CLCA2: variants seen among roughly 807,000 people sequenced by gnomAD.
CLCA2 encodes chloride channel accessory 2, also known as calcium-activated chloride channel regulator 2.
CLCA2 carries 85 observed loss-of-function variants against 82.9 expected under a neutral mutation model. That is an observed-to-expected ratio of 1.03 (90% CI 0.86 to 1.23). CLCA2 has a LOEUF of 1.23. Among genes scored for constraint, CLCA2 ranks in the 50% most tolerant of loss-of-function variants. CLCA2 has a pLI of 0.00. For synonymous variants in CLCA2, 421 were observed against 391.7 expected, an observed-to-expected ratio of 1.07 and a Z score of -0.88; for missense variants, 1,089 against 1,124.8, an observed-to-expected ratio of 0.97 and a Z score of 0.45.
intron 2 of CLCA2, among the ~76,000 whole-genome samples, chr1:86,425,931 A>G (rs1360005103): frequency 6.6e-6 from 1 of 151,930 alleles, no homozygotes; most frequent in Non-Finnish European, 1.5e-5. Flanking sequence ...GTAGATTATC[A>G]GAATTTCACA....
At chr1:86,425,260 A>T in intron 1 of CLCA2, 79 bp from the exon 2 acceptor site, 1 of 993,690 alleles carries the variant, frequency 1.0e-6, no homozygotes, top group Non-Finnish European at 1.4e-6. Context: ...GTCTTTTATT[A>T]CTGTTTAAGC....
At chr1:86,441,595 G>C in intron 9 of CLCA2, 52 bp downstream of exon 9, 1 of 1,188,902 alleles carries the variant, frequency 8.4e-7, no homozygotes, top group African/African-American at 1.5e-5. Context: ...GAAGGGAGAA[G>C]GAAACAAGGG....
intron 5 of CLCA2, among the ~76,000 whole-genome samples, chr1:86,433,823 G>C (rs72951849): frequency 9.9e-5 from 15 of 152,240 alleles, no homozygotes; most frequent in African/African-American, 3.4e-4. Flanking sequence ...AGTTTCCATG[G>C]CTCTGTTAAT....
At chr1:86,437,486 A>G (rs1662637117) in intron 6 of CLCA2, among the ~76,000 whole-genome samples, 1 of 152,236 alleles carries the variant, frequency 6.6e-6, no homozygotes, top group South Asian at 2.1e-4. Flanking sequence ...GAAGGATTCA[A>G]CTAGGCGCTT....
rs766654350 is a variant in CLCA2 at position 86,453,570 on chromosome 1, C to T, written c.2357C>T (p.Thr786Ile). The change falls in exon 13 of 14, where the codon ACA becomes ATA. Residue 786 changes from threonine (T) to isoleucine (I), a missense_variant. Physicochemically the swap from Thr to Ile is moderately conservative, Grantham distance 89. Coordinates refer to ENST00000370565, the MANE Select transcript of CLCA2 (RefSeq NM_006536.7). Reference protein sequence around the residue: ...KVEEELTLSWTAPGEDFDQGQ... With the variant: ...KVEEELTLSWIAPGEDFDQGQ... ...GAAGAGGAATTGACCCTATCTTGGA[C>T]AGCACCTGGAGAAGACTTTGATCAG... The T allele has an allele frequency of 4.7e-5, 76 of 1,613,986 alleles. No homozygotes were observed. Among genetic ancestry groups the T allele is most frequent in the Non-Finnish European group, 6.4e-5 (76 of 1,180,014 alleles).
intron 2 of CLCA2, 41 bp downstream of exon 2, chr1:86,425,517 A>G (rs775144819): frequency 6.9e-7 from 1 of 1,448,804 alleles, no homozygotes; most frequent in Non-Finnish European, 9.2e-7. Context: ...CAAGGGGAAA[A>G]AAAACACCAA....
intron 5 of CLCA2, among the ~76,000 whole-genome samples, chr1:86,433,844 G>A (rs930162684): frequency 6.6e-6 from 1 of 152,090 alleles, no homozygotes; most frequent in Non-Finnish European, 1.5e-5. Context: ...GGGAAGTATC[G>A]ACTCTTTGTA....
intron 6 of CLCA2, among the ~76,000 whole-genome samples, chr1:86,438,033 A>T (rs1400825303): frequency 1.3e-5 from 2 of 152,168 alleles, no homozygotes; most frequent in Non-Finnish European, 2.9e-5. Flanking sequence ...CAAAGTGTAG[A>T]GTTGCCATCT....
intron 12 of CLCA2, among the ~76,000 whole-genome samples, chr1:86,452,011 T>A (rs982002493): frequency 1.3e-5 from 2 of 152,068 alleles, no homozygotes; most frequent in Non-Finnish European, 2.9e-5. Context: ...AATTATTAAA[T>A]TTAGCTAAAA....
At chr1:86,445,229 G>T (rs1297736024) in intron 10 of CLCA2, among the ~76,000 whole-genome samples, 2 of 151,844 alleles carry the variant, frequency 1.3e-5, no homozygotes, top group Non-Finnish European at 2.9e-5. Context: ...TAGCCTTCTT[G>T]ACTCTGAACT....
chr1:86,429,228 G>A (rs1412487211), intron 3 of CLCA2, among the ~76,000 whole-genome samples: 1 of 152,168 alleles, frequency 6.6e-6, no homozygotes, highest in Admixed American at 6.5e-5. Context: ...AGTGAGATGG[G>A]AAGGATAGTA....
In CLCA2 at chr1:86,441,590, G is replaced by A. The variant is rs571469714; in HGVS notation, c.1488+47G>A. ...TATTTCCAGGTGGGGAGTGGGAAGG[G>A]AGAAGGAAACAAGGGAAATCAACGA... On this transcript the variant is annotated intron_variant, in intron 9 of 13. Coordinates refer to ENST00000370565, the MANE Select transcript of CLCA2 (RefSeq NM_006536.7). 693 of 1,285,292 alleles carry A rather than the reference G, an allele frequency of 5.4e-4. 13 individuals are homozygous for A. The South Asian group carries it at 7.8e-3, about 14-fold the overall frequency. 79.6% of individuals were successfully genotyped at this position (1,285,292 alleles called of 1,614,324 possible).
At chr1:86,443,656 G>A (rs1404085504) in intron 9 of CLCA2, 131 bp from the exon 10 acceptor site, 6 of 657,922 alleles carry the variant, frequency 9.1e-6, no homozygotes, top group Non-Finnish European at 1.2e-5. Context: ...GAAAAATGAT[G>A]TATAACTACA....
At chr1:86,444,054 G>A in intron 10 of CLCA2, 43 bp downstream of exon 10, 4 of 1,302,056 alleles carry the variant, frequency 3.1e-6, no homozygotes, top group Non-Finnish European at 3.3e-6. Flanking sequence ...GTTCAACCAA[G>A]TTTATGATTT....
intron 11 of CLCA2, among the ~76,000 whole-genome samples, 163 bp downstream of exon 11, chr1:86,447,941 C>A (rs114548208): frequency 2.3e-4 from 35 of 152,098 alleles, no homozygotes; most frequent in African/African-American, 8.2e-4. Flanking sequence ...TACTGAATAG[C>A]TACAGGTTAA....
chr1:86,442,358 T>C (rs557164695), intron 9 of CLCA2, among the ~76,000 whole-genome samples: 1 of 152,334 alleles, frequency 6.6e-6, no homozygotes, highest in East Asian at 1.9e-4. Flanking sequence ...CCCTGTGACT[T>C]CCTCTGCAAC....
rs183765419 is a variant in CLCA2 at position 86,447,243 on chromosome 1, C to G, written c.1714-265C>G. Among the ~76,000 whole-genome samples, 243 of 152,202 alleles carry G rather than the reference C, an allele frequency of 1.6e-3. 5 individuals carry two copies. The highest frequency in any genetic ancestry group is 0.015 in the Admixed American group (235 of 15,272). ...TCTAAAAATGGGAATCAAGATGTAT[C>G]CTCCCTCACTCCAAATAAATTCGAG... On this transcript the variant is annotated intron_variant, in intron 10 of 13. Transcript: ENST00000370565.
chr1:86,441,372 T>A, intron 8 of CLCA2, 65 bp from the exon 9 acceptor site: 1 of 983,568 alleles, frequency 1.0e-6, no homozygotes, highest in Non-Finnish European at 1.5e-6. Flanking sequence ...TGGAAAAGGC[T>A]TAACATTTTA....
At chr1:86,443,037 T>A (rs540442064) in intron 9 of CLCA2, among the ~76,000 whole-genome samples, 1 of 152,256 alleles carries the variant, frequency 6.6e-6, no homozygotes, top group South Asian at 2.1e-4. Context: ...ATAATTTTTT[T>A]TTTTTTTTGA....
Sources: allele counts gnomAD v4.1 joint callset (sites outside exome capture counted in the v4.1 genomes callset), GRCh38; gene constraint gnomAD v4.1.1; transcripts MANE v1.5; gene names NCBI Gene and HGNC (gene_info 2026-07-23, HGNC 2026-07-21).